Variants in COPG2 observed in about 807,000 individuals in gnomAD.
COPG2 encodes the protein coat protein complex I subunit gamma 2, also known as coatomer subunit gamma-2.
Under a neutral mutation model 46.3 loss-of-function variants are expected in COPG2, and 37 were observed. The ratio of observed to expected loss-of-function variants is 0.80; its 90% confidence interval spans 0.61 to 1.05. The LOEUF is 1.05. Ranked by LOEUF, COPG2 falls within the 50% of genes least tolerant of loss-of-function variation. The probability of loss-of-function intolerance (pLI) is 0.00; values close to 1 mark genes in which losing one functional copy is unlikely to be tolerated. For missense variants in COPG2, 427 were observed against 387.8 expected (o/e 1.10, Z -0.85); for synonymous variants, 159 against 129.7 (o/e 1.23, Z -1.53).
intron 20 of COPG2, among the ~76,000 whole-genome samples, chr7:130,544,329 G>A (rs1793392704): frequency 6.6e-6 from 1 of 152,100 alleles, no homozygotes; most frequent in Non-Finnish European, 1.5e-5. Flanking sequence ...AGCTTAAGAT[G>A]GCACTTTAAG....
At chr7:130,536,620 A>G (rs1292786817) in intron 20 of COPG2, among the ~76,000 whole-genome samples, 1 of 152,180 alleles carries the variant, frequency 6.6e-6, no homozygotes, top group South Asian at 2.1e-4. Context: ...CCGGACAGAC[A>G]TGTACAATGT....
intron 9 of COPG2, 61 bp downstream of exon 9, chr7:130,610,892 A>G: frequency 1.3e-6 from 2 of 1,549,238 alleles, no homozygotes; most frequent in Non-Finnish European, 1.8e-6. Flanking sequence ...AAGGAAATAA[A>G]CTCTAAGGTA....
chr7:130,527,493 G>A (rs1799785243), intron 20 of COPG2, among the ~76,000 whole-genome samples: 1 of 151,436 alleles, frequency 6.6e-6, no homozygotes, highest in African/African-American at 2.4e-5. Flanking sequence ...AGGGCTGGGG[G>A]CATGGACCCC....
intron 4 of COPG2, among the ~76,000 whole-genome samples, chr7:130,661,928 A>G (rs1024025865): frequency 6.6e-6 from 1 of 152,168 alleles, no homozygotes; most frequent in Non-Finnish European, 1.5e-5. Flanking sequence ...TCTACAAAGT[A>G]TATCCTGCAG....
At chr7:130,562,722 A>G (rs998454869) in intron 11 of COPG2, among the ~76,000 whole-genome samples, 2 of 152,242 alleles carry the variant, frequency 1.3e-5, no homozygotes, top group African/African-American at 4.8e-5. Context: ...TTGAGATGAC[A>G]TATTATATGT....
chr7:130,541,420 T>G (rs1346966135), intron 20 of COPG2, among the ~76,000 whole-genome samples: 116 of 110,094 alleles, frequency 1.1e-3, no homozygotes, highest in Middle Eastern at 3.9e-3. Flanking sequence ...AGGGAGGAGG[T>G]GGGAGGAGGG....
At chr7:130,530,920 G>A (rs966659477) in intron 20 of COPG2, among the ~76,000 whole-genome samples, 6 of 151,678 alleles carry the variant, frequency 4.0e-5, no homozygotes, top group Non-Finnish European at 7.4e-5. Flanking sequence ...TGCAAGGTTC[G>A]GCATAGGGAA....
At chr7:130,632,571 T>C (rs1320168921) in intron 5 of COPG2, among the ~76,000 whole-genome samples, 3 of 152,176 alleles carry the variant, frequency 2.0e-5, no homozygotes, top group Non-Finnish European at 2.9e-5. Context: ...GGGACTTCAA[T>C]GTCACAAATG....
chr7:130,527,199 T>C (rs1799783069), intron 20 of COPG2, among the ~76,000 whole-genome samples: 1 of 151,262 alleles, frequency 6.6e-6, no homozygotes, highest in African/African-American at 2.4e-5. Flanking sequence ...GGGCCACAAG[T>C]GTGTCTGTAG....
intron 9 of COPG2, among the ~76,000 whole-genome samples, chr7:130,583,108 CAAT>C (rs1314325990): frequency 2.0e-5 from 3 of 151,066 alleles, no homozygotes; most frequent in Non-Finnish European, 4.4e-5. Context: ...AAATGTCCAA[CAAT>C]GATAGACCGG....
In COPG2 at chr7:130,542,810, G is replaced by T. The variant is rs925877093; in HGVS notation, c.2149+4864C>A. Among the ~76,000 whole-genome samples the T allele has an allele frequency of 5.5e-3, 830 of 152,244 alleles. 6 individuals are homozygous for T. The highest frequency in any genetic ancestry group is 0.027 in the Middle Eastern group (8 of 294). On this transcript the variant is annotated intron_variant, in intron 20 of 23. Transcript: ENST00000425248. ...GGAGGGGAGATAACCTTATGAATTT[G>T]TGCAGGGCTTAGCATCAGTAAAAGG...
At chr7:130,597,677 G>A (rs1475861815) in intron 9 of COPG2, among the ~76,000 whole-genome samples, 2 of 152,190 alleles carry the variant, frequency 1.3e-5, no homozygotes, top group Non-Finnish European at 2.9e-5. Flanking sequence ...CACTAAGCCT[G>A]TGAGCTATAA....
At chr7:130,621,967 GACA>G (rs1224165809) in intron 5 of COPG2, among the ~76,000 whole-genome samples, 7 of 120,362 alleles carry the variant, frequency 5.8e-5, no homozygotes, top group Non-Finnish European at 7.2e-5. Context: ...AAAAAAAAAA[GACA>G]ACAAAAAAAC....
chr7:130,522,481 G>T (rs1289454731), intron 20 of COPG2, among the ~76,000 whole-genome samples: 1 of 152,082 alleles, frequency 6.6e-6, no homozygotes, highest in Non-Finnish European at 1.5e-5. Context: ...AAGCTATCAG[G>T]CCGATACGAA....
intron 9 of COPG2, among the ~76,000 whole-genome samples, chr7:130,577,195 G>C (rs1038281476): frequency 2.0e-5 from 3 of 152,208 alleles, no homozygotes; most frequent in African/African-American, 7.2e-5. Flanking sequence ...AACAGCTCCC[G>C]TCTACAGCTC....
intron 5 of COPG2, among the ~76,000 whole-genome samples, chr7:130,646,975 ATATATATGTATATATATATATGTG>A (rs1795614518): frequency 0.077 from 63 of 818 alleles, no homozygotes; most frequent in Non-Finnish European, 0.21. Flanking sequence ...ATATGTGTAT[ATATATATGTATATATATATATGTG>A]TATATATATA....
chr7:130,595,340 T>C (rs1794507898), intron 9 of COPG2, among the ~76,000 whole-genome samples: 1 of 152,190 alleles, frequency 6.6e-6, no homozygotes, highest in Non-Finnish European at 1.5e-5. Context: ...GGATTTGTAT[T>C]TTCCAGGGCG....
chr7:130,668,410 G>A (rs1289268156), intron 1 of COPG2, among the ~76,000 whole-genome samples: 1 of 148,684 alleles, frequency 6.7e-6, no homozygotes, highest in Non-Finnish European at 1.5e-5. Flanking sequence ...GCGGGCGCCG[G>A]GGCGGGAGCG....
At chr7:130,627,216 G>A (rs1346545639) in intron 5 of COPG2, among the ~76,000 whole-genome samples, 1 of 152,156 alleles carries the variant, frequency 6.6e-6, no homozygotes, top group East Asian at 1.9e-4. Flanking sequence ...TACAACTGTG[G>A]AGTCCTAATC....
Sources: gnomAD v4.1 joint callset for allele counts (sites outside exome capture counted in the v4.1 genomes callset) on GRCh38, gnomAD v4.1.1 for gene constraint, MANE v1.5 for transcripts, NCBI Gene and HGNC (gene_info 2026-07-23, HGNC 2026-07-21) for gene names.